The following SH3PXD2A variants were observed in gnomAD, a reference collection of about 807,000 sequenced individuals.
SH3PXD2A encodes SH3 and PX domain-containing protein 2A.
Under a neutral mutation model 115.2 loss-of-function variants are expected in SH3PXD2A, and 32 were observed. The observed-to-expected ratio is 0.28, with a 90% CI of 0.21 to 0.37. The LOEUF (loss-of-function observed/expected upper bound fraction) is 0.37, where lower values mean the gene tolerates loss of function less well. SH3PXD2A is among the 10% of genes least tolerant of loss of function. SH3PXD2A has a pLI of 1.00. For synonymous variants in SH3PXD2A, 610 were observed against 629.1 expected (o/e 0.97, Z 0.45); for missense variants, 1,328 against 1,498.7 (o/e 0.89, Z 1.88).
At chr10:103,607,995 C>A (rs922955500) in intron 13 of SH3PXD2A, among the ~76,000 whole-genome samples, 103 of 151,856 alleles carry the variant, frequency 6.8e-4, no homozygotes, top group African/African-American at 2.2e-3. Context: ...ATCTCAAGTA[C>A]CCAGGGACAC....
chr10:103,707,554 C>T (rs1355116314), intron 5 of SH3PXD2A, among the ~76,000 whole-genome samples: 1 of 151,724 alleles, frequency 6.6e-6, no homozygotes, highest in African/African-American at 2.4e-5. Context: ...TGCTATGTTG[C>T]CTAGGCTCAT....
intron 7 of SH3PXD2A, among the ~76,000 whole-genome samples, chr10:103,667,085 T>G (rs982254968): frequency 2.6e-5 from 4 of 152,122 alleles, no homozygotes; most frequent in African/African-American, 9.7e-5. Context: ...CCTCTGAGTT[T>G]CCTGTCTCAT....
chr10:103,765,488 C>T (rs1041658518), intron 3 of SH3PXD2A, among the ~76,000 whole-genome samples: 1 of 152,240 alleles, frequency 6.6e-6, no homozygotes, highest in African/African-American at 2.4e-5. Flanking sequence ...AAATTCAGAT[C>T]TCCCTTTAAT....
chr10:103,696,693 A>C (rs542701958), intron 5 of SH3PXD2A, among the ~76,000 whole-genome samples: 3 of 152,204 alleles, frequency 2.0e-5, no homozygotes, highest in Non-Finnish European at 4.4e-5. Context: ...GGGCGGGGCT[A>C]GCATCTCCCT....
At chr10:103,605,772 C>T (rs746340677) in intron 14 of SH3PXD2A, 26 bp downstream of exon 14, 2 of 1,613,936 alleles carry the variant, frequency 1.2e-6, no homozygotes, top group Non-Finnish European at 1.7e-6. Flanking sequence ...GAGTTAAAAC[C>T]CTCGGCCTCA....
At position 103,603,188 on chromosome 10, in the gene SH3PXD2A, G is replaced by T; in HGVS notation, c.2030C>A (p.Ala677Asp). 1.2e-6 allele frequency: 2 copies of T among 1,614,100 alleles called. No homozygotes were observed. Residue 677 changes from alanine (A) to aspartate (D), a missense_variant, in exon 15 of 15, where the codon GCC becomes GAC. By Grantham distance (126) the Ala-to-Asp change is moderately radical (BLOSUM62 -2). Around this residue, in one of 5 missense-constraint regions of SH3PXD2A, gnomAD observed 574 missense variants for 565.7 expected, o/e 1.01. Coordinates refer to ENST00000369774, the MANE Select transcript of SH3PXD2A (RefSeq NM_001394015.1). ...SLLKLKAEKN[A>D]QAEMGKNHSS... The stretch of plus-strand genomic sequence containing the variant: ...GTGGTTCTTCCCCATTTCTGCCTGG[G>T]CATTCTTCTCTGCCTTGAGCTTTAG...
chr10:103,704,482 A>G (rs1255420417), intron 5 of SH3PXD2A, among the ~76,000 whole-genome samples: 1 of 152,190 alleles, frequency 6.6e-6, no homozygotes, highest in Non-Finnish European at 1.5e-5. Context: ...AATGACTGTT[A>G]TCACTTTCAC....
At chr10:103,701,726 C>T (rs977772113) in intron 5 of SH3PXD2A, among the ~76,000 whole-genome samples, 1 of 139,938 alleles carries the variant, frequency 7.1e-6, no homozygotes, top group South Asian at 2.4e-4. Context: ...TTTATCCATC[C>T]ATCATTCATC....
chr10:103,776,436 C>G (rs4918048), intron 2 of SH3PXD2A, among the ~76,000 whole-genome samples: 166 of 125,110 alleles, frequency 1.3e-3, no homozygotes, highest in Middle Eastern at 8.5e-3. Flanking sequence ...GTGTGTGTGT[C>G]TGTGTGTGTG....
chr10:103,767,098 G>A lies in SH3PXD2A; in HGVS notation c.225C>T (p.Leu75=), dbSNP rs1056403894. The change falls in exon 3 of 15, where the codon CTC becomes CTT. Residue 75 remains leucine (L), a synonymous_variant. Transcript: ENST00000369774. ...GTGGAGCCACCCAATGCTTACCTGGGAGGAAGGGGATGATCCTTTGCTTGG... is the reference window on the plus strand; with the variant it reads ...GTGGAGCCACCCAATGCTTACCTGGAAGGAAGGGGATGATCCTTTGCTTGG... ...KDPKQRIIPF[L]PGKILFRRSH... The A allele has an allele frequency of 6.2e-6, 10 of 1,613,550 alleles. No individual in the cohort carries two copies. The highest frequency in any genetic ancestry group is 1.7e-5 in the Admixed American group (1 of 60,002).
At chr10:103,796,750 C>T (rs1044048932) in intron 2 of SH3PXD2A, among the ~76,000 whole-genome samples, 1 of 152,028 alleles carries the variant, frequency 6.6e-6, no homozygotes, top group Non-Finnish European at 1.5e-5. Context: ...GGCTGGGGCT[C>T]CCAGATTTAA....
At position 103,650,343 on chromosome 10, in the gene SH3PXD2A, T is replaced by A. The variant is rs115900735; in HGVS notation, c.604+10640A>T. On this transcript the variant is annotated intron_variant, in intron 8 of 14. Coordinates refer to ENST00000369774, the MANE Select transcript of SH3PXD2A (RefSeq NM_001394015.1). ...CAGCCCTGCCTCAAACTCACTATGA[T>A]GCTGGGCACGTGGCTTCACTTTTCC... Among the ~76,000 whole-genome samples the A allele has an allele frequency of 6.7e-3, 1,016 of 152,352 alleles. 11 individuals are homozygous for A. The highest frequency in any genetic ancestry group is 0.023 in the African/African-American group (948 of 41,578).
At chr10:103,761,446 T>C (rs1450786309) in intron 3 of SH3PXD2A, among the ~76,000 whole-genome samples, 1 of 152,140 alleles carries the variant, frequency 6.6e-6, no homozygotes, top group Non-Finnish European at 1.5e-5. Flanking sequence ...ATAGCCAAAC[T>C]TGTTAGATCA....
intron 1 of SH3PXD2A, among the ~76,000 whole-genome samples, chr10:103,821,988 C>T (rs1356291477): frequency 1.3e-5 from 2 of 152,192 alleles, no homozygotes; most frequent in Admixed American, 1.3e-4. Flanking sequence ...ACTGCAACCT[C>T]TGCCTCCTGG....
intron 8 of SH3PXD2A, among the ~76,000 whole-genome samples, chr10:103,643,839 C>T (rs1592278885): frequency 2.0e-5 from 3 of 152,300 alleles, no homozygotes; most frequent in African/African-American, 7.2e-5. Flanking sequence ...AGGCCAGGCG[C>T]GGTGGCTCAC....
intron 2 of SH3PXD2A, among the ~76,000 whole-genome samples, chr10:103,796,923 G>A (rs1379878836): frequency 6.9e-6 from 1 of 145,950 alleles, no homozygotes; most frequent in Admixed American, 7.0e-5. Flanking sequence ...GTGCAGTGGC[G>A]CAATCACAGC....
intron 6 of SH3PXD2A, among the ~76,000 whole-genome samples, chr10:103,688,929 C>A (rs1205757104): frequency 6.6e-6 from 1 of 152,104 alleles, no homozygotes; most frequent in Non-Finnish European, 1.5e-5. Context: ...TGCAGTGGCA[C>A]AATTATGCCT....
chr10:103,701,750 G>GCATCATCCATCCA (rs1443160552), intron 5 of SH3PXD2A, among the ~76,000 whole-genome samples: 3 of 6,968 alleles, frequency 4.3e-4, no homozygotes, highest in Admixed American at 4.3e-3. Context: ...CCATCCATCC[G>GCATCATCCATCCA]TCCATCATCC....
chr10:103,637,390 T>A (rs1415485939), intron 8 of SH3PXD2A, among the ~76,000 whole-genome samples: 1 of 152,168 alleles, frequency 6.6e-6, no homozygotes, highest in Non-Finnish European at 1.5e-5. Flanking sequence ...ACCAGGTAAT[T>A]CAGAGCTCAG....
Sources: allele counts gnomAD v4.1 joint callset (sites outside exome capture counted in the v4.1 genomes callset), GRCh38; gene constraint gnomAD v4.1.1; regional missense constraint gnomAD v4.1.1; transcripts MANE v1.5; gene names NCBI Gene and HGNC (gene_info 2026-07-23, HGNC 2026-07-21).